DGLUCY: variants seen among roughly 807,000 people sequenced by gnomAD.
DGLUCY encodes D-glutamate cyclase, mitochondrial.
In DGLUCY, 58 loss-of-function variants were observed where a neutral mutation model predicts 58.5. The ratio of observed to expected loss-of-function variants is 0.99; its 90% CI spans 0.80 to 1.23. The LOEUF (loss-of-function observed/expected upper bound fraction) is 1.23. Ranked by LOEUF, DGLUCY falls within the 50% of genes most tolerant of loss-of-function variation. The pLI, the probability that DGLUCY is intolerant of heterozygous loss-of-function variation, is 0.00. For missense variants in DGLUCY, 779 were observed against 784.7 expected, an observed-to-expected ratio of 0.99 and a Z score of 0.09; for synonymous variants, 325 against 314.1, an observed-to-expected ratio of 1.03 and a Z score of -0.37.
chr14:91,072,198 C>CCTGTAAT (rs1271144968), intron 1 of DGLUCY, among the ~76,000 whole-genome samples: 2 of 152,078 alleles, frequency 1.3e-5, no homozygotes, highest in South Asian at 2.1e-4. Context: ...GTGGCATGCA[C>CCTGTAAT]CTGTAATCCC....
At chr14:91,186,744 C>G (rs550464475) in intron 8 of DGLUCY, among the ~76,000 whole-genome samples, 1 of 152,108 alleles carries the variant, frequency 6.6e-6, no homozygotes, top group Admixed American at 6.6e-5. Flanking sequence ...AAATCTAAGA[C>G]AGAAATCACC....
chr14:91,123,673 A>G (rs746560253), intron 1 of DGLUCY, among the ~76,000 whole-genome samples: 2 of 151,608 alleles, frequency 1.3e-5, no homozygotes, highest in Non-Finnish European at 1.5e-5. Flanking sequence ...TGCAACCTCA[A>G]CCCCCTGGGT....
At chr14:91,067,660 T>C (rs951297510) in intron 1 of DGLUCY, among the ~76,000 whole-genome samples, 39 of 152,026 alleles carry the variant, frequency 2.6e-4, no homozygotes, top group African/African-American at 8.5e-4. Context: ...ACAATCCTCC[T>C]ACCTCAGTCT....
In DGLUCY at chr14:91,224,991, G is replaced by A; in HGVS notation, c.*158G>A. On this transcript the variant is annotated 3_prime_UTR_variant, in exon 14 of 14. Transcript: ENST00000256324. Reference sequence around the variant, plus strand: ...GGGAAACTGCATGCCCACTTTCTGGGAGGGGTTAGTGCAGGTGCTGTGGAC... The same window carrying A: ...GGGAAACTGCATGCCCACTTTCTGGAAGGGGTTAGTGCAGGTGCTGTGGAC... The A allele has an allele frequency of 2.4e-6, 2 of 826,600 alleles. No individual in the cohort carries two copies. Among genetic ancestry groups the A allele is most frequent in the Non-Finnish European group, 3.5e-6 (2 of 567,436 alleles). 51.2% of individuals were successfully genotyped at this position (826,600 alleles called of 1,614,324 possible). A position where few individuals can be genotyped will look rare whatever the true frequency, so the allele number is the denominator to read the frequency against.
chr14:91,196,542 A>C, intron 10 of DGLUCY, 68 bp downstream of exon 10: 1 of 1,328,976 alleles, frequency 7.5e-7, no homozygotes, highest in Non-Finnish European at 1.1e-6. Flanking sequence ...CACTTAGCCA[A>C]CAAAGTGTCT....
chr14:91,094,850 C>T (rs998298306), intron 1 of DGLUCY, among the ~76,000 whole-genome samples: 5 of 152,012 alleles, frequency 3.3e-5, no homozygotes, highest in Admixed American at 2.0e-4. Context: ...CTTCAGGCCT[C>T]GAGTGAGAAC....
chr14:91,215,063 C>G lies in DGLUCY; in HGVS notation c.1565-342C>G, dbSNP rs917922530. On this transcript the variant is annotated intron_variant, in intron 12 of 13. Coordinates refer to ENST00000256324, the MANE Select transcript of DGLUCY (RefSeq NM_001102368.3). ...GCTCAGGAGGCTGAGGCAGGAGAAT[C>G]GCTTGAACCCAGGAGGCAGAGGTTG... Among the ~76,000 whole-genome samples, 4 of 152,134 alleles carry G rather than the reference C, an allele frequency of 2.6e-5. No homozygotes were observed. The East Asian group carries it at 7.7e-4, about 29-fold the overall frequency.
chr14:91,128,477 G>A (rs1420949401), intron 1 of DGLUCY, among the ~76,000 whole-genome samples: 2 of 152,020 alleles, frequency 1.3e-5, no homozygotes, highest in South Asian at 4.1e-4. Flanking sequence ...CTGTGTGACA[G>A]AGCGAGACTC....
intron 5 of DGLUCY, among the ~76,000 whole-genome samples, chr14:91,173,071 A>G (rs28374512): frequency 0.037 from 5,682 of 152,208 alleles, 361 homozygotes; most frequent in African/African-American, 0.13. Flanking sequence ...TAGTCTACCA[A>G]AGGGGTCCGT....
intron 1 of DGLUCY, among the ~76,000 whole-genome samples, chr14:91,099,036 GCT>G (rs1304821406): frequency 6.6e-6 from 1 of 152,216 alleles, no homozygotes; most frequent in Non-Finnish European, 1.5e-5. Context: ...CACAGAGCAA[GCT>G]CTCTCTGCAT....
At position 91,129,402 on chromosome 14, in the gene DGLUCY, C is replaced by T. The variant is rs537554514; in HGVS notation, c.-82+15119C>T. Among the ~76,000 whole-genome samples, 435 of 151,910 alleles carry T rather than the reference C, an allele frequency of 2.9e-3. 4 individuals are homozygous for T. Among genetic ancestry groups the T allele is most frequent in the African/African-American group, 9.2e-3 (381 of 41,404 alleles). The stretch of plus-strand genomic sequence containing the variant: ...TTAAGCCTCTAAGTACTATATGGTT[C>T]GGTTTTGCAAAGCCCAGAAGCCTAT... On this transcript the variant is annotated intron_variant, in intron 1 of 13. Coordinates refer to ENST00000256324, the MANE Select transcript of DGLUCY (RefSeq NM_001102368.3).
At chr14:91,147,641 A>G (rs1317315300) in intron 1 of DGLUCY, 5 of 152,210 alleles carry the variant, frequency 3.3e-5, no homozygotes, top group Non-Finnish European at 7.3e-5. Context: ...ATATACACAC[A>G]CTAAATCTAA....
intron 12 of DGLUCY, among the ~76,000 whole-genome samples, chr14:91,205,831 T>C (rs1245429078): frequency 1.0e-5 from 1 of 99,400 alleles, no homozygotes; most frequent in African/African-American, 3.9e-5. Context: ...CCTCCTCCCT[T>C]TCTTCTTCTT....
chr14:91,101,176 G>A (rs1441977083), intron 1 of DGLUCY, among the ~76,000 whole-genome samples: 1 of 152,086 alleles, frequency 6.6e-6, no homozygotes. Context: ...AGATCAGTGG[G>A]GTAACTATGT....
intron 1 of DGLUCY, among the ~76,000 whole-genome samples, chr14:91,129,585 T>TA (rs796941268): frequency 0.012 from 1,735 of 142,020 alleles, 14 homozygotes; most frequent in African/African-American, 0.021. Context: ...AATTAAAAAT[T>TA]AAAAAAAAAA....
chr14:91,067,096 A>AAG (rs1555387562), intron 1 of DGLUCY, among the ~76,000 whole-genome samples: 14 of 151,416 alleles, frequency 9.2e-5, no homozygotes, highest in African/African-American at 2.7e-4. Context: ...AAAAAAAAAA[A>AAG]AAAGAAAGAG....
At chr14:91,212,210 T>G (rs1885792719) in intron 12 of DGLUCY, among the ~76,000 whole-genome samples, 1 of 152,204 alleles carries the variant, frequency 6.6e-6, no homozygotes, top group Admixed American at 6.6e-5. Flanking sequence ...AACGACAATG[T>G]TAAGAGAAGG....
intron 12 of DGLUCY, among the ~76,000 whole-genome samples, chr14:91,205,942 C>T (rs1315843012): frequency 1.1e-4 from 15 of 141,220 alleles, no homozygotes; most frequent in South Asian, 6.8e-4. Flanking sequence ...CGGGTTAAAG[C>T]GATTCTCCTG....
intron 1 of DGLUCY, among the ~76,000 whole-genome samples, chr14:91,097,210 A>G (rs1328108441): frequency 3.9e-5 from 6 of 152,168 alleles, no homozygotes; most frequent in African/African-American, 1.4e-4. Context: ...CAGCCTGGGC[A>G]ATATGGTGAA....
Sources: allele counts gnomAD v4.1 joint callset (sites outside exome capture counted in the v4.1 genomes callset), GRCh38; gene constraint gnomAD v4.1.1; transcripts MANE v1.5; gene names NCBI Gene and HGNC (gene_info 2026-07-23, HGNC 2026-07-21).